FLNB: variants seen among roughly 807,000 people sequenced by gnomAD.
FLNB encodes the protein filamin-B.
A neutral mutation model predicts 250.6 loss-of-function variants in FLNB; 111 were observed. The observed-to-expected ratio is 0.44, with a 90% CI of 0.38 to 0.52. The LOEUF (loss-of-function observed/expected upper bound fraction) is 0.52. Among genes scored for constraint, FLNB ranks in the 20% least tolerant of loss-of-function variants. FLNB has a pLI of 0.00. For synonymous variants in FLNB, 1,302 were observed against 1,372.1 expected, an observed-to-expected ratio of 0.95 and a Z score of 1.13; for missense variants, 2,869 against 3,447.8, an observed-to-expected ratio of 0.83 and a Z score of 4.20.
chr3:58,123,660 A>G lies in FLNB; in HGVS notation c.3694A>G (p.Lys1232Glu). Reference sequence around the variant, plus strand: ...GCCCGCCGTGGACACCAGCAGGATCAAAGTCTTTGGACCAGGAATAGAAGG... The same window carrying G: ...GCCCGCCGTGGACACCAGCAGGATCGAAGTCTTTGGACCAGGAATAGAAGG... ...VEPAVDTSRIKVFGPGIEGKD... is the reference protein window; with the variant it reads ...VEPAVDTSRIEVFGPGIEGKD... Residue 1232 changes from lysine (K) to glutamate (E), a missense_variant, in exon 21 of 46, where the codon AAA becomes GAA. By Grantham distance (56) the Lys-to-Glu change is moderately conservative (BLOSUM62 1). Around this residue, in one of 5 missense-constraint regions of FLNB, gnomAD observed 1,348 missense variants for 1,466.7 expected, o/e 0.92. Transcript: ENST00000295956. 1.9e-6 allele frequency: 3 copies of G among 1,611,758 alleles called. No individual in the cohort carries two copies. The highest frequency in any genetic ancestry group is 2.5e-6 in the Non-Finnish European group (3 of 1,179,752).
intron 1 of FLNB, among the ~76,000 whole-genome samples, chr3:58,071,247 C>G (rs958369897): frequency 6.8e-6 from 1 of 147,136 alleles, no homozygotes; most frequent in African/African-American, 2.6e-5. Flanking sequence ...AACCGCCTGG[C>G]CTACACACCC....
chr3:58,111,937 C>T lies in FLNB; in HGVS notation c.2575+56C>T, dbSNP rs117857339. 6.4e-4 allele frequency: 905 copies of T among 1,422,856 alleles called. 19 individuals are homozygous for T. In the East Asian group the frequency reaches 0.019, roughly 31 times the overall value. The allele number at this position is 1,422,856 out of a possible 1,614,324, so 88.1% of individuals were successfully genotyped here. A position where few individuals can be genotyped will look rare whatever the true frequency, so the allele number is the denominator to read the frequency against. ...CCCTCTGCCAGCCGGTGGCACTGGG[C>T]GTGTTTCATCCACGGCCTTGAGGAA... On this transcript the variant is annotated intron_variant, in intron 17 of 45. Transcript: ENST00000295956.
chr3:58,082,821 T>C (rs1422633668), intron 4 of FLNB, among the ~76,000 whole-genome samples: 1 of 152,124 alleles, frequency 6.6e-6, no homozygotes, highest in Non-Finnish European at 1.5e-5. Flanking sequence ...GGGATAATAG[T>C]TATACACACA....
chr3:58,042,247 C>A (rs543836505), intron 1 of FLNB, among the ~76,000 whole-genome samples: 3 of 151,614 alleles, frequency 2.0e-5, no homozygotes, highest in African/African-American at 4.9e-5. Context: ...CTCTTTGATG[C>A]GGGTAAACTT....
At chr3:58,121,647 G>C in intron 20 of FLNB, 144 bp downstream of exon 20, 1 of 1,023,964 alleles carries the variant, frequency 9.8e-7, no homozygotes, top group Non-Finnish European at 1.5e-6. Context: ...AGGTCCCCTG[G>C]GTAGGTGGGT....
At chr3:58,018,963 A>C (rs1394954355) in intron 1 of FLNB, among the ~76,000 whole-genome samples, 1 of 53,350 alleles carries the variant, frequency 1.9e-5, no homozygotes, top group East Asian at 2.1e-4. Flanking sequence ...ACATCTCTAC[A>C]AAAAAAAAAA....
chr3:58,044,436 A>AAAC (rs1553685045), intron 1 of FLNB, among the ~76,000 whole-genome samples: 9 of 150,834 alleles, frequency 6.0e-5, no homozygotes, highest in African/African-American at 2.0e-4. Context: ...GTCTCTACAA[A>AAAC]AAACAAACAA....
At chr3:58,131,054 G>A (rs1559716842) in intron 25 of FLNB, 146 bp downstream of exon 25, 1 of 777,592 alleles carries the variant, frequency 1.3e-6, no homozygotes. Flanking sequence ...TAGTTAAACA[G>A]TAGAAATTCC....
intron 1 of FLNB, among the ~76,000 whole-genome samples, chr3:58,020,117 G>A (rs1159726522): frequency 6.6e-6 from 1 of 150,396 alleles, no homozygotes; most frequent in Non-Finnish European, 1.5e-5. Flanking sequence ...GTTGTTGAGA[G>A]CCAACTATGC....
intron 27 of FLNB, 74 bp from the exon 28 acceptor site, chr3:58,135,905 A>G: frequency 6.7e-7 from 1 of 1,487,036 alleles, no homozygotes; most frequent in Non-Finnish European, 9.3e-7. Context: ...TAATTGGAAA[A>G]TATGTCAGGG....
At position 58,106,819 on chromosome 3, in the gene FLNB, C is replaced by CA; in HGVS notation, c.1888dup (p.Ser630LysfsTer17). The CA allele has an allele frequency of 6.2e-7, 1 of 1,614,110 alleles. No homozygotes were observed. Among genetic ancestry groups the CA allele is most frequent in the Non-Finnish European group, 8.5e-7 (1 of 1,180,022 alleles). On this transcript the variant is annotated frameshift_variant, in exon 12 of 46. Transcript: ENST00000295956. LOFTEE classifies it high-confidence loss of function. ...TGTGTGACGACGAAGACATCAAGGA[C>CA]AGCCCGTACATGGCCTTCATCCACC...
rs9831243 is a variant in FLNB at position 58,008,864 on chromosome 3, C to A, written c.292+8C>A. 3.1e-3 allele frequency: 5,019 copies of A among 1,613,484 alleles called. 159 individuals carry two copies. In the African/African-American group the frequency reaches 0.059, roughly 19 times the overall value. ...TCAAGCTCGTGTCCATCGGTGAGTT[C>A]TCTGGCCGGGCCCAGGCGCCCACTG... On this transcript the variant is annotated splice_region_variant and intron_variant, in intron 1 of 45. Transcript: ENST00000295956.
At chr3:58,108,385 G>A in intron 12 of FLNB, 73 bp from the exon 13 acceptor site, 1 of 953,654 alleles carries the variant, frequency 1.0e-6, no homozygotes, top group Non-Finnish European at 1.7e-6. Context: ...CCACCCCCTG[G>A]TTACCTGTCT....
intron 1 of FLNB, among the ~76,000 whole-genome samples, chr3:58,050,230 A>G (rs960923067): frequency 3.3e-5 from 5 of 151,944 alleles, no homozygotes; most frequent in South Asian, 2.1e-4. Context: ...GGGTTTCACC[A>G]TGTTGGCCAG....
chr3:58,096,969 C>G (rs191525386), intron 6 of FLNB, among the ~76,000 whole-genome samples: 2 of 152,276 alleles, frequency 1.3e-5, no homozygotes, highest in East Asian at 3.9e-4. Context: ...GCCTCAGGCT[C>G]TTTGTCTTGG....
At chr3:58,062,546 G>A (rs1658346) in intron 1 of FLNB, among the ~76,000 whole-genome samples, 31,838 of 151,990 alleles carry the variant, frequency 0.21, 4,807 homozygotes, top group East Asian at 0.53. Flanking sequence ...AAGAAATCAT[G>A]TTAGGGAACT....
chr3:58,132,135 T>G, intron 25 of FLNB: 1 of 718,804 alleles, frequency 1.4e-6, no homozygotes. Flanking sequence ...TGCCATCCTT[T>G]GATTAACCTA....
At chr3:58,034,015 C>G (rs1035008417) in intron 1 of FLNB, among the ~76,000 whole-genome samples, 1 of 152,022 alleles carries the variant, frequency 6.6e-6, no homozygotes, top group Non-Finnish European at 1.5e-5. Flanking sequence ...CATTTGCCAC[C>G]ACACCTGGCT....
intron 10 of FLNB, 40 bp downstream of exon 10, chr3:58,104,125 C>T (rs756540906): frequency 1.2e-5 from 19 of 1,610,942 alleles, no homozygotes; most frequent in Admixed American, 5.0e-5. Context: ...CTGGAGGGTG[C>T]TCGGCCCAGG....
Sources: gnomAD v4.1 joint callset for allele counts (sites outside exome capture counted in the v4.1 genomes callset) on GRCh38, gnomAD v4.1.1 for gene constraint, gnomAD v4.1.1 regional missense constraint, MANE v1.5 for transcripts, NCBI Gene and HGNC (gene_info 2026-07-23, HGNC 2026-07-21) for gene names.